DDX46: variants seen among roughly 807,000 people sequenced by gnomAD.
DDX46 encodes the protein DEAD-box helicase 46.
In DDX46, 30 loss-of-function variants were observed where a neutral mutation model predicts 134.9. The observed-to-expected ratio is 0.22, with a 90% CI of 0.17 to 0.30. The LOEUF (loss-of-function observed/expected upper bound fraction) is 0.30, where lower values mean the gene tolerates loss of function less well. DDX46 is among the 10% of genes least tolerant of loss of function. The pLI is 1.00. For synonymous variants in DDX46, 415 were observed against 404.1 expected, an observed-to-expected ratio of 1.03 and a Z score of -0.32; for missense variants, 622 against 1,248.7, an observed-to-expected ratio of 0.50 and a Z score of 7.56.
chr5:134,788,376 A>G, intron 11 of DDX46, 137 bp from the exon 12 acceptor site: 1 of 595,116 alleles, frequency 1.7e-6, no homozygotes, highest in Non-Finnish European at 2.9e-6. Flanking sequence ...TTTCTTTAGT[A>G]GTGCCCCGAG....
At chr5:134,771,411 G>C (rs1369399962) in intron 4 of DDX46, among the ~76,000 whole-genome samples, 1 of 137,784 alleles carries the variant, frequency 7.3e-6, no homozygotes, top group Non-Finnish European at 1.6e-5. Flanking sequence ...TGTTTCTATG[G>C]GCCAGGCACG....
intron 15 of DDX46, among the ~76,000 whole-genome samples, chr5:134,798,586 G>A (rs1754737904): frequency 6.6e-6 from 1 of 152,134 alleles, no homozygotes; most frequent in South Asian, 2.1e-4. Flanking sequence ...TCTATTTCTA[G>A]AACGTTTTAA....
intron 16 of DDX46, among the ~76,000 whole-genome samples, chr5:134,808,524 A>C (rs1755054496): frequency 6.6e-6 from 1 of 152,158 alleles, no homozygotes; most frequent in Admixed American, 6.5e-5. Flanking sequence ...AAAGTTGAAA[A>C]ATTATAAATT....
chr5:134,816,845 G>A, intron 19 of DDX46: 1 of 456,840 alleles, frequency 2.2e-6, no homozygotes, highest in South Asian at 2.7e-5. Context: ...AGTTTTATAG[G>A]GTAGTATTCT....
rs1478810605 is a variant in DDX46, at chr5:134,794,958, A to G, written c.1735A>G (p.Ile579Val). 1.9e-6 allele frequency: 3 copies of G among 1,614,164 alleles called. No homozygotes were observed. Among genetic ancestry groups the G allele is most frequent in the Non-Finnish European group, 2.5e-6 (3 of 1,180,020 alleles). The change falls in exon 14 of 23, where the codon ATT becomes GTT. Residue 579 changes from isoleucine to valine, a missense_variant. Ile to Val is a conservative substitution (Grantham distance 29, BLOSUM62 3). Coordinates refer to ENST00000452510, the MANE Select transcript of DDX46 (RefSeq NM_001300860.2). Reference protein sequence around the residue: ...ALARRILSKPIEVQVGGRSVV... With the variant: ...ALARRILSKPVEVQVGGRSVV... ...GGCTCGCAGGATCCTCAGTAAACCTATTGAAGTACAAGTTGGAGGCAGGAG... is the reference window on the plus strand; with the variant it reads ...GGCTCGCAGGATCCTCAGTAAACCTGTTGAAGTACAAGTTGGAGGCAGGAG...
intron 11 of DDX46, 121 bp downstream of exon 11, chr5:134,785,707 A>C (rs534174771): frequency 8.4e-7 from 1 of 1,193,518 alleles, no homozygotes; most frequent in South Asian, 1.7e-5. Flanking sequence ...ATCATTTAAA[A>C]AATGAAGTAT....
chr5:134,784,001 C>T (rs1307983921), intron 9 of DDX46, among the ~76,000 whole-genome samples: 1 of 151,922 alleles, frequency 6.6e-6, no homozygotes, highest in African/African-American at 2.4e-5. Context: ...TTAAATTTTT[C>T]ATTATCCCAA....
intron 5 of DDX46, among the ~76,000 whole-genome samples, chr5:134,776,685 G>C (rs1472889628): frequency 1.3e-5 from 2 of 152,118 alleles, no homozygotes; most frequent in Admixed American, 1.3e-4. Context: ...GGGAGGCTGA[G>C]GTGGGTGGAT....
chr5:134,805,492 A>G (rs768923339), intron 15 of DDX46, among the ~76,000 whole-genome samples: 64 of 150,516 alleles, frequency 4.3e-4, no homozygotes, highest in Non-Finnish European at 9.0e-4. Context: ...AAACAAATCC[A>G]GTATTTAAAA....
chr5:134,759,069 G>C (rs1426312373), intron 1 of DDX46, 114 bp downstream of exon 1: 1 of 1,482,182 alleles, frequency 6.7e-7, no homozygotes, highest in Non-Finnish European at 9.0e-7. Context: ...CGTGCGGTCA[G>C]CGCTGCCCCG....
chr5:134,784,324 A>G (rs777027442), intron 9 of DDX46, 42 bp from the exon 10 acceptor site: 12 of 1,560,606 alleles, frequency 7.7e-6, no homozygotes, highest in Admixed American at 2.0e-5. Context: ...GGGCCCAGCA[A>G]TCTCAATTCT....
At chr5:134,770,412 A>G (rs1354164274) in intron 3 of DDX46, among the ~76,000 whole-genome samples, 1 of 150,998 alleles carries the variant, frequency 6.6e-6, no homozygotes, top group Admixed American at 6.6e-5. Context: ...GGATCTTGTT[A>G]TGTTCCCCTG....
At chr5:134,792,125 C>T (rs1055637227) in intron 13 of DDX46, among the ~76,000 whole-genome samples, 2 of 151,832 alleles carry the variant, frequency 1.3e-5, no homozygotes, top group African/African-American at 2.4e-5. Context: ...TGTAGGGAGC[C>T]GAGATCGCAT....
chr5:134,823,458 C>G (rs1755509926), intron 21 of DDX46, among the ~76,000 whole-genome samples: 1 of 152,076 alleles, frequency 6.6e-6, no homozygotes, highest in African/African-American at 2.4e-5. Flanking sequence ...GTTATGTTTT[C>G]CGTGTTTTTC....
intron 11 of DDX46, among the ~76,000 whole-genome samples, chr5:134,786,274 A>T (rs929280258): frequency 1.3e-5 from 2 of 152,214 alleles, no homozygotes; most frequent in Non-Finnish European, 1.5e-5. Flanking sequence ...TTAAATATAT[A>T]TAATTTTTGT....
intron 21 of DDX46, among the ~76,000 whole-genome samples, chr5:134,822,976 A>G (rs1252948864): frequency 2.0e-5 from 3 of 152,124 alleles, no homozygotes; most frequent in Non-Finnish European, 1.5e-5. Context: ...GAAGCTACAA[A>G]CTAAAAATAA....
At chr5:134,820,560 C>T (rs1240690888) in intron 21 of DDX46, among the ~76,000 whole-genome samples, 2 of 152,164 alleles carry the variant, frequency 1.3e-5, no homozygotes, top group Admixed American at 6.6e-5. Context: ...GTTGGGGTTT[C>T]ACCATGTTGG....
At chr5:134,791,214 C>T (rs141004200) in intron 13 of DDX46, among the ~76,000 whole-genome samples, 1 of 152,272 alleles carries the variant, frequency 6.6e-6, no homozygotes, top group African/African-American at 2.4e-5. Flanking sequence ...AAGTCATTCA[C>T]GTTTGCTAAG....
chr5:134,768,058 A>G (rs374241150), intron 3 of DDX46, among the ~76,000 whole-genome samples: 4 of 152,078 alleles, frequency 2.6e-5, no homozygotes, highest in East Asian at 3.9e-4. Flanking sequence ...AAAGGCATCC[A>G]TACACATGGT....
Sources: allele counts gnomAD v4.1 joint callset (sites outside exome capture counted in the v4.1 genomes callset), GRCh38; gene constraint gnomAD v4.1.1; transcripts MANE v1.5; gene names NCBI Gene and HGNC (gene_info 2026-07-23, HGNC 2026-07-21).